The following FBXL13 variants were observed in gnomAD, a reference collection of about 807,000 sequenced individuals.
FBXL13 encodes F-box and leucine rich repeat protein 13, also known as F-box and leucine-rich repeat protein 13.
FBXL13 carries 67 observed loss-of-function variants against 83.6 expected under a neutral mutation model. The ratio of observed to expected loss-of-function variants is 0.80; its 90% CI spans 0.66 to 0.98. FBXL13 has a LOEUF of 0.98. FBXL13 is among the 50% of genes least tolerant of loss of function. The probability of loss-of-function intolerance (pLI) is 0.00; values close to 1 mark genes in which losing one functional copy is unlikely to be tolerated. For missense variants in FBXL13, 822 were observed against 866.5 expected (o/e 0.95, Z 0.64); for synonymous variants, 272 against 299.5 (o/e 0.91, Z 0.95).
chr7:102,893,767 C>CA (rs1300370815), intron 11 of FBXL13, among the ~76,000 whole-genome samples: 3,298 of 47,344 alleles, frequency 0.07, 75 homozygotes, highest in African/African-American at 0.11. Context: ...GACTCTGTCT[C>CA]AAAAAAAAAA....
rs1563055140 is a variant in FBXL13 at position 102,893,962 on chromosome 7, G to GAA, written c.1009-9651_1009-9650insTT. ...AAAGAGAAAGAAAGAAAGAAAGAAA[G>GAA]AGAGAAAGAAAGAAAGAAAGAGGAA... is the stretch of plus-strand genomic sequence containing the variant. On this transcript the variant is annotated intron_variant, in intron 11 of 19. Coordinates refer to ENST00000313221, the Ensembl canonical transcript of FBXL13. Among the ~76,000 whole-genome samples, 1,274 of 135,846 alleles carry GAA rather than the reference G, an allele frequency of 9.4e-3. 21 individuals carry two copies. The highest frequency in any genetic ancestry group is 0.036 in the African/African-American group (1,172 of 32,968). 89.1% of individuals were successfully genotyped at this position (135,846 alleles called of 152,430 possible).
intron 10 of FBXL13, among the ~76,000 whole-genome samples, chr7:102,916,534 G>T (rs1200463334): frequency 6.6e-6 from 1 of 152,202 alleles, no homozygotes; most frequent in East Asian, 1.9e-4. Flanking sequence ...CCTTTCTAGG[G>T]ATTTACAGTT....
chr7:102,874,728 G>C (rs959264515), intron 16 of FBXL13, among the ~76,000 whole-genome samples: 1 of 151,898 alleles, frequency 6.6e-6, no homozygotes, highest in African/African-American at 2.4e-5. Flanking sequence ...CACCACACCC[G>C]GCTAATTTTT....
At chr7:103,012,834 T>C (rs1162321208) in intron 6 of FBXL13, among the ~76,000 whole-genome samples, 4 of 152,190 alleles carry the variant, frequency 2.6e-5, no homozygotes, top group African/African-American at 9.7e-5. Context: ...ATGGGCTAAA[T>C]GCCCCCATTT....
intron 11 of FBXL13, among the ~76,000 whole-genome samples, chr7:102,896,554 T>C (rs1812272649): frequency 6.6e-6 from 1 of 152,146 alleles, no homozygotes; most frequent in African/African-American, 2.4e-5. Flanking sequence ...ACAACAGAAA[T>C]GTATTCTCTG....
intron 8 of FBXL13, among the ~76,000 whole-genome samples, chr7:102,957,575 A>C (rs939838403): frequency 6.6e-6 from 1 of 152,178 alleles, no homozygotes; most frequent in African/African-American, 2.4e-5. Context: ...CGGGAAAAAA[A>C]CTGCCATCAG....
intron 16 of FBXL13, among the ~76,000 whole-genome samples, chr7:102,860,151 G>A (rs540242002): frequency 6.6e-6 from 1 of 152,276 alleles, no homozygotes; most frequent in East Asian, 1.9e-4. Context: ...TTCATCCTAT[G>A]CAACAGAATT....
At chr7:103,036,549 C>G (rs560840127) in intron 2 of FBXL13, among the ~76,000 whole-genome samples, 44 of 152,232 alleles carry the variant, frequency 2.9e-4, no homozygotes, top group Non-Finnish European at 5.4e-4. Context: ...GAGACAGAGT[C>G]TCAATCTGTC....
chr7:102,833,079 T>C, intron 17 of FBXL13, 105 bp from the exon 19 acceptor site: 1 of 1,213,366 alleles, frequency 8.2e-7, no homozygotes, highest in South Asian at 1.6e-5. Context: ...GAAATACAGA[T>C]GTTAGATCTT....
chr7:102,883,356 G>C, exon 14 of FBXL13: 1 of 1,613,534 alleles, frequency 6.2e-7, no homozygotes, highest in Non-Finnish European at 8.5e-7. Context: ...AGGTGAAAGG[G>C]ATCTGAGGCT....
rs1323858273 is a variant in FBXL13 at position 102,942,481 on chromosome 7, A to C, written c.725-10548T>G. On this transcript the variant is annotated intron_variant, in intron 8 of 19. Coordinates refer to ENST00000313221, the Ensembl canonical transcript of FBXL13. ...TTTTACCTCCTTTAAGAAACAGACT[A>C]AAACTAGTTTTCTCAAGTGCCTGAA... 33 of 587,092 alleles carry C rather than the reference A, an allele frequency of 5.6e-5. No homozygotes were observed. In the East Asian group the frequency reaches 9.8e-4, roughly 17 times the overall value. 36.4% of individuals were successfully genotyped at this position (587,092 alleles called of 1,614,324 possible).
At chr7:102,847,991 A>G (rs1446035736) in intron 17 of FBXL13, among the ~76,000 whole-genome samples, 1 of 152,228 alleles carries the variant, frequency 6.6e-6, no homozygotes, top group African/African-American at 2.4e-5. Flanking sequence ...CAAGGTGTAT[A>G]CATATATTTA....
At chr7:102,971,761 C>A (rs1826701271) in intron 6 of FBXL13, among the ~76,000 whole-genome samples, 1 of 152,098 alleles carries the variant, frequency 6.6e-6, no homozygotes, top group Admixed American at 6.5e-5. Context: ...CACAGTGGCT[C>A]ATGCCCGTAA....
intron 6 of FBXL13, among the ~76,000 whole-genome samples, chr7:102,981,093 T>C (rs1196293562): frequency 3.3e-5 from 5 of 152,178 alleles, no homozygotes; most frequent in Non-Finnish European, 2.9e-5. Flanking sequence ...TGTAGTTTTG[T>C]ACCTACTGTA....
At chr7:103,021,672 G>T (rs1793193251) in intron 6 of FBXL13, among the ~76,000 whole-genome samples, 1 of 152,170 alleles carries the variant, frequency 6.6e-6, no homozygotes, top group Non-Finnish European at 1.5e-5. Context: ...AATGGGCAAA[G>T]GATATGAACA....
At chr7:102,887,061 G>A (rs931960150) in intron 11 of FBXL13, among the ~76,000 whole-genome samples, 8 of 152,190 alleles carry the variant, frequency 5.3e-5, no homozygotes, top group East Asian at 1.9e-4. Flanking sequence ...ATGGCAATTC[G>A]TATGATGGGG....
chr7:102,979,396 T>G (rs1346767567), intron 6 of FBXL13, among the ~76,000 whole-genome samples: 2 of 152,230 alleles, frequency 1.3e-5, no homozygotes, highest in Non-Finnish European at 2.9e-5. Flanking sequence ...GTGATTTTAT[T>G]AGATCCACCC....
intron 8 of FBXL13, among the ~76,000 whole-genome samples, chr7:102,953,802 A>C (rs1056816305): frequency 3.3e-5 from 5 of 152,088 alleles, no homozygotes; most frequent in African/African-American, 1.2e-4. Context: ...TCAAACTGAA[A>C]CCCTGAATGT....
chr7:103,003,278 G>GGT (rs1790600586), intron 6 of FBXL13, among the ~76,000 whole-genome samples: 1 of 75,916 alleles, frequency 1.3e-5, no homozygotes, highest in Non-Finnish European at 2.4e-5. Context: ...TTGTTTTGGG[G>GGT]TTTTTTTTTT....
Sources: gnomAD v4.1 joint callset for allele counts (sites outside exome capture counted in the v4.1 genomes callset) on GRCh38, gnomAD v4.1.1 for gene constraint, MANE v1.5 for transcripts, NCBI Gene and HGNC (gene_info 2026-07-23, HGNC 2026-07-21) for gene names.